Variants in RBM27 observed in about 807,000 individuals in gnomAD.
The protein encoded by RBM27 is RNA binding motif protein 27.
Under a neutral mutation model 135.3 loss-of-function variants are expected in RBM27, and 22 were observed. The observed-to-expected ratio is 0.16, with a 90% confidence interval of 0.12 to 0.23. The LOEUF is 0.23. Among genes scored for constraint, RBM27 ranks in the 10% least tolerant of loss-of-function variants. The pLI, the probability that RBM27 is intolerant of heterozygous loss-of-function variation, is 1.00. For missense variants in RBM27, 1,009 were observed against 1,281.0 expected, an observed-to-expected ratio of 0.79 and a Z score of 3.24; for synonymous variants, 481 against 442.4, an observed-to-expected ratio of 1.09 and a Z score of -1.10.
rs534519686 is a variant in RBM27, at chr5:146,222,438, C to T, written c.179-965C>T. Among the ~76,000 whole-genome samples the T allele has an allele frequency of 1.9e-3, 291 of 152,190 alleles. 3 individuals are homozygous for T. Among genetic ancestry groups the T allele is most frequent in the African/African-American group, 6.6e-3 (274 of 41,516 alleles). Reference sequence around the variant, plus strand: ...GTGGCTCATGCCTGTAATCCCAGCACTTTGGGAGGCCGAGGCAGGCAGATC... The same window carrying T: ...GTGGCTCATGCCTGTAATCCCAGCATTTTGGGAGGCCGAGGCAGGCAGATC... On this transcript the variant is annotated intron_variant, in intron 2 of 20. Transcript: ENST00000265271.
rs1175337538 is a variant in RBM27 at position 146,227,931 on chromosome 5, C to G, written c.304-1015C>G. Reference sequence around the variant, plus strand: ...TAACCATTTTTTCCTAAAACGTTTCCTATGGAATAAATCTGAAGAGCTACT... The same window carrying G: ...TAACCATTTTTTCCTAAAACGTTTCGTATGGAATAAATCTGAAGAGCTACT... On this transcript the variant is annotated intron_variant, in intron 3 of 20. Coordinates refer to ENST00000265271, the MANE Select transcript of RBM27 (RefSeq NM_018989.2). Among the ~76,000 whole-genome samples the G allele has an allele frequency of 2.0e-5, 3 of 151,928 alleles. No individual in the cohort carries two copies. In the East Asian group the frequency reaches 5.8e-4, roughly 29 times the overall value.
intron 8 of RBM27, chr5:146,245,255 A>G (rs1453086406): frequency 1.3e-5 from 2 of 152,074 alleles, no homozygotes; most frequent in Admixed American, 6.6e-5. Context: ...GTACCACTGC[A>G]GCCTCCAAGT....
chr5:146,264,429 C>T (rs1427502495), intron 14 of RBM27, among the ~76,000 whole-genome samples: 3 of 151,994 alleles, frequency 2.0e-5, no homozygotes, highest in Non-Finnish European at 4.4e-5. Context: ...TGATCCACCC[C>T]AGAGTGCTGG....
chr5:146,229,062 A>G, intron 4 of RBM27, 25 bp downstream of exon 4: 1 of 1,585,176 alleles, frequency 6.3e-7, no homozygotes, highest in Non-Finnish European at 8.7e-7. Flanking sequence ...TTAATTAGGA[A>G]GACATTGATA....
intron 1 of RBM27, among the ~76,000 whole-genome samples, chr5:146,211,139 G>T (rs1755923316): frequency 6.6e-6 from 1 of 151,778 alleles, no homozygotes; most frequent in Non-Finnish European, 1.5e-5. Flanking sequence ...CCTTAGTCAG[G>T]CATGGTGGTT....
intron 14 of RBM27, among the ~76,000 whole-genome samples, chr5:146,264,060 C>T (rs1029452158): frequency 6.7e-6 from 1 of 150,142 alleles, no homozygotes; most frequent in African/African-American, 2.5e-5. Context: ...GAGCCAAGGT[C>T]GTACCATTGC....
chr5:146,240,318 GTCTGTCTGTCTGTCTATCTGTCTGTCTA>G (rs1757353383), intron 8 of RBM27, among the ~76,000 whole-genome samples: 1 of 151,768 alleles, frequency 6.6e-6, no homozygotes, highest in African/African-American at 2.4e-5. Context: ...CTGTCTGTCT[GTCTGTCTGTCTGTCTATCTGTCTGTCTA>G]TCTAGAGTCT....
At position 146,260,799 on chromosome 5, in the gene RBM27, A is replaced by G. The variant is rs762731386; in HGVS notation, c.1794A>G (p.Thr598=). Residue 598 remains threonine (T), a synonymous_variant, in exon 12 of 21, where the codon ACA becomes ACG. Coordinates refer to ENST00000265271, the MANE Select transcript of RBM27 (RefSeq NM_018989.2). The stretch of plus-strand genomic sequence containing the variant: ...GGTTCTTACGAAAGAATCAGTATAC[A>G]AACACCAAATTAGAAGTCAAGAAAA... ...KPGFLRKNQY[T]NTKLEVKKIP... The G allele has an allele frequency of 1.2e-6, 2 of 1,613,664 alleles. No homozygotes were observed. The highest frequency in any genetic ancestry group is 1.7e-6 in the Non-Finnish European group (2 of 1,179,710).
chr5:146,225,504 G>C (rs555086593), intron 3 of RBM27, among the ~76,000 whole-genome samples: 5 of 151,452 alleles, frequency 3.3e-5, no homozygotes, highest in Non-Finnish European at 7.4e-5. Context: ...AATTGGAGAG[G>C]CTTGTTGAAT....
chr5:146,225,590 G>A (rs1326911632), intron 3 of RBM27, among the ~76,000 whole-genome samples: 3 of 146,182 alleles, frequency 2.1e-5, no homozygotes, highest in South Asian at 2.2e-4. Context: ...TTTTTGAGAC[G>A]GAGTCCGCTC....
At chr5:146,249,735 T>C (rs1377142269) in intron 8 of RBM27, among the ~76,000 whole-genome samples, 1 of 144,732 alleles carries the variant, frequency 6.9e-6, no homozygotes, top group East Asian at 2.0e-4. Context: ...AAAGAAAATA[T>C]GTTATATTGT....
chr5:146,213,379 G>C (rs934298163), intron 1 of RBM27, among the ~76,000 whole-genome samples: 1 of 152,056 alleles, frequency 6.6e-6, no homozygotes, highest in South Asian at 2.1e-4. Context: ...GATTACAGAC[G>C]TGAGCCACCA....
chr5:146,226,810 C>G (rs148336301), intron 3 of RBM27, among the ~76,000 whole-genome samples: 1 of 151,638 alleles, frequency 6.6e-6, no homozygotes, highest in East Asian at 1.9e-4. Flanking sequence ...AGAGCTACCC[C>G]CAACTGACAG....
intron 8 of RBM27, among the ~76,000 whole-genome samples, chr5:146,247,882 A>G (rs1469694976): frequency 3.9e-5 from 6 of 152,150 alleles, no homozygotes; most frequent in African/African-American, 1.2e-4. Flanking sequence ...TTCAACAGCC[A>G]TTTTTGATCA....
At chr5:146,216,801 G>C (rs1756213590) in intron 1 of RBM27, among the ~76,000 whole-genome samples, 2 of 152,146 alleles carry the variant, frequency 1.3e-5, no homozygotes, top group South Asian at 4.1e-4. Flanking sequence ...GGGAGTACAG[G>C]TGTGCGCCAC....
chr5:146,251,767 G>A lies in RBM27; in HGVS notation c.1336G>A (p.Gly446Arg). The change falls in exon 9 of 21, where the codon GGG becomes AGG. Residue 446 changes from glycine (G) to arginine (R), a missense_variant. Gly to Arg is a moderately radical substitution (Grantham distance 125). Coordinates refer to ENST00000265271, the MANE Select transcript of RBM27 (RefSeq NM_018989.2). ...TGCTGCATCTGAGCGACTTCAGTTGGGGACACCGCCTCCTCTGTTGGCAGC... is the reference window on the plus strand; with the variant it reads ...TGCTGCATCTGAGCGACTTCAGTTGAGGACACCGCCTCCTCTGTTGGCAGC... ...GAAASERLQL[G>R]TPPPLLAARL... The A allele has an allele frequency of 6.2e-7, 1 of 1,613,424 alleles. No homozygotes were observed. The highest frequency in any genetic ancestry group is 1.1e-5 in the South Asian group (1 of 91,072).
intron 5 of RBM27, 67 bp downstream of exon 5, chr5:146,229,977 G>A (rs72806103): frequency 0.038 from 58,550 of 1,559,542 alleles, 1,239 homozygotes; most frequent in African/African-American, 0.043. Context: ...AGGGGTGCAA[G>A]AAATTCTCTT....
chr5:146,244,882 C>CT (rs753720093), intron 8 of RBM27, among the ~76,000 whole-genome samples: 159 of 151,512 alleles, frequency 1.0e-3, no homozygotes, highest in Non-Finnish European at 1.4e-3. Flanking sequence ...ATTTATTTAC[C>CT]TTTTTTTTAG....
chr5:146,228,977 A>G lies in RBM27; in HGVS notation c.335A>G (p.Asp112Gly), dbSNP rs755900532. ...CAGGAGCCAGCAGAGGAAGAACGAG[A>G]TGGCAGAAAAAAGAAATATCCTAGT... is the stretch of plus-strand genomic sequence containing the variant. ...VFQEPAEEER[D>G]GRKKKYPSPQ... Residue 112 changes from aspartate (D) to glycine (G), a missense_variant, in exon 4 of 21, where the codon GAT becomes GGT. By Grantham distance (94) the Asp-to-Gly change is moderately conservative (BLOSUM62 -1). Transcript: ENST00000265271. The G allele has an allele frequency of 1.2e-6, 2 of 1,613,728 alleles. No homozygotes were observed. Among genetic ancestry groups the G allele is most frequent in the Admixed American group, 3.3e-5 (2 of 60,004 alleles).
Sources: gnomAD v4.1 joint callset for allele counts (sites outside exome capture counted in the v4.1 genomes callset) on GRCh38, gnomAD v4.1.1 for gene constraint, MANE v1.5 for transcripts, NCBI Gene and HGNC (gene_info 2026-07-23, HGNC 2026-07-21) for gene names.